PDXDC1: variants seen among roughly 807,000 people sequenced by gnomAD.
PDXDC1 encodes the protein pyridoxal-dependent decarboxylase domain-containing protein 1.
In PDXDC1, 42 loss-of-function variants were observed where a neutral mutation model predicts 100.1. The observed-to-expected ratio is 0.42, with a 90% CI of 0.33 to 0.54. The LOEUF (loss-of-function observed/expected upper bound fraction) is 0.54. PDXDC1 is among the 20% of genes least tolerant of loss of function. The pLI, the probability that PDXDC1 is intolerant of heterozygous loss-of-function variation, is 0.10. For synonymous variants in PDXDC1, 260 were observed against 371.7 expected (o/e 0.70, Z 3.46); for missense variants, 636 against 979.2 (o/e 0.65, Z 4.68).
chr16:15,127,872 C>A (rs1198844376), intron 16 of PDXDC1: 2 of 1,561,670 alleles, frequency 1.3e-6, no homozygotes, highest in African/African-American at 2.7e-5. Flanking sequence ...CCAGCAGGCG[C>A]CGGAAGCGCA....
chr16:15,128,431 C>T, intron 16 of PDXDC1: 1 of 1,170,920 alleles, frequency 8.5e-7, no homozygotes, highest in Non-Finnish European at 1.3e-6. Context: ...GGTCTGCTGC[C>T]CAACACGTGT....
intron 16 of PDXDC1, chr16:15,061,752 G>A: frequency 1.2e-6 from 2 of 1,611,654 alleles, no homozygotes; most frequent in East Asian, 4.5e-5. Flanking sequence ...CGTCAGAGGG[G>A]ACTGGGTTGC....
intron 19 of PDXDC1, chr16:15,034,056 G>C (rs2043237951): frequency 1.7e-6 from 1 of 586,328 alleles, no homozygotes; most frequent in African/African-American, 1.9e-5. Flanking sequence ...TGACTTCTCT[G>C]TTTTCAAGAA....
Position 15,127,172 on chromosome 16 carries a change from G to A in PDXDC1, c.1400-11707G>A, listed in dbSNP as rs1002887853. ...GAGATTTTCTTCTGGAGTGCATTTCGGAAGCGTGCACAGCCGCGTGCTTGC... is the reference window on the plus strand; with the variant it reads ...GAGATTTTCTTCTGGAGTGCATTTCAGAAGCGTGCACAGCCGCGTGCTTGC... On this transcript the variant is annotated intron_variant, in intron 16 of 16. Transcript: ENST00000535621. 20 of 383,446 alleles carry A rather than the reference G, an allele frequency of 5.2e-5. 1 individual carries two copies. Among genetic ancestry groups the A allele is most frequent in the Non-Finnish European group, 6.6e-5 (13 of 198,044 alleles). The allele number at this position is 383,446 out of a possible 1,614,324, so 23.8% of individuals were successfully genotyped here.
At chr16:14,990,644 G>A (rs1481183907) in intron 1 of PDXDC1, among the ~76,000 whole-genome samples, 2 of 152,274 alleles carry the variant, frequency 1.3e-5, no homozygotes, top group Non-Finnish European at 2.9e-5. Context: ...TGGAGTCATT[G>A]TTCACATTTA....
At chr16:15,147,251 G>T in the PDXDC1 span, among the ~76,000 whole-genome samples, 1 of 152,170 alleles carries the variant, frequency 6.6e-6, no homozygotes, top group Admixed American at 6.5e-5. Context: ...GCACATCCCA[G>T]CCCGACTCGG....
intron 16 of PDXDC1, chr16:15,137,821 C>T (rs569474909): frequency 0.017 from 25,902 of 1,569,370 alleles, 295 homozygotes; most frequent in Non-Finnish European, 0.02. Flanking sequence ...GCCCAGCACA[C>T]GTGGCTGCCT....
intron 16 of PDXDC1, among the ~76,000 whole-genome samples, chr16:15,098,475 A>C (rs1461992976): frequency 1.3e-5 from 2 of 152,062 alleles, no homozygotes; most frequent in African/African-American, 4.8e-5. Flanking sequence ...TGCTGGGATT[A>C]CAGGTGTGAG....
chr16:15,149,550 G>A, the PDXDC1 span, among the ~76,000 whole-genome samples: 5 of 152,198 alleles, frequency 3.3e-5, no homozygotes, highest in Non-Finnish European at 7.3e-5. Context: ...TGTCTTCCCC[G>A]ACGCCAATCC....
At chr16:15,086,316 C>T (rs2045915146) in intron 16 of PDXDC1, 1 of 1,607,864 alleles carries the variant, frequency 6.2e-7, no homozygotes, top group African/African-American at 1.3e-5. Flanking sequence ...TATACTATTA[C>T]CAAAGTTCTG....
At chr16:15,098,390 G>A (rs2046431253) in intron 16 of PDXDC1, among the ~76,000 whole-genome samples, 1 of 151,022 alleles carries the variant, frequency 6.6e-6, no homozygotes, top group Admixed American at 6.6e-5. Flanking sequence ...TAGTAGAGAT[G>A]GGGTTTCTCC....
At chr16:14,982,783 G>A (rs1486928401) in intron 1 of PDXDC1, among the ~76,000 whole-genome samples, 7 of 152,264 alleles carry the variant, frequency 4.6e-5, no homozygotes, top group African/African-American at 9.6e-5. Context: ...TATAATAGAC[G>A]TGTGTGGTGT....
chr16:15,038,218 C>CACAAGATG lies in PDXDC1; in HGVS notation c.*1944_*1951dup. ...AGGCGAAGTGGAAAGATTCTGAAAA[C>CACAAGATG]ACAAGATGGTGGGCATTAGAGAAGC... On this transcript the variant is annotated 3_prime_UTR_variant, in exon 23 of 23. Coordinates refer to ENST00000396410, the MANE Select transcript of PDXDC1 (RefSeq NM_015027.4). 6.2e-7 allele frequency: 1 copy of CACAAGATG among 1,610,422 alleles called. No individual in the cohort carries two copies. The highest frequency in any genetic ancestry group is 8.5e-7 in the Non-Finnish European group (1 of 1,177,944).
chr16:15,121,787 C>A lies in PDXDC1; in HGVS notation c.1400-17092C>A, dbSNP rs967877478. On this transcript the variant is annotated intron_variant, in intron 16 of 16. Transcript: ENST00000535621. ...AATAAATAAATAAAATAATGTAGAT[C>A]TTGAAAGGGGGTTGGTTTATGCTGG... 2.6e-5 allele frequency: 3 copies of A among 116,534 alleles called. No individual in the cohort carries two copies. In the South Asian group the frequency reaches 3.7e-4, roughly 14 times the overall value. 7.2% of individuals were successfully genotyped at this position (116,534 alleles called of 1,614,324 possible). A position where few individuals can be genotyped will look rare whatever the true frequency, so the allele number is the denominator to read the frequency against.
chr16:15,097,054 G>C (rs1274057776), intron 16 of PDXDC1, among the ~76,000 whole-genome samples: 6 of 152,094 alleles, frequency 3.9e-5, no homozygotes, highest in Admixed American at 3.3e-4. Context: ...TTGAAGCCAG[G>C]AGTTTGAGAC....
chr16:15,029,010 A>G (rs201314433), intron 15 of PDXDC1, 44 bp downstream of exon 15: 6,332 of 1,586,464 alleles, frequency 4.0e-3, no homozygotes, highest in Non-Finnish European at 4.8e-3. Context: ...GTCCCCGTCC[A>G]TCACCATCCG....
chr16:14,991,266 T>G (rs1970725739), intron 1 of PDXDC1, among the ~76,000 whole-genome samples: 1 of 132,690 alleles, frequency 7.5e-6, no homozygotes, highest in South Asian at 2.7e-4. Context: ...TGTATATAGA[T>G]ATGTGTGTGT....
At chr16:15,123,080 AG>A (rs2047518206) in intron 16 of PDXDC1, among the ~76,000 whole-genome samples, 1 of 150,514 alleles carries the variant, frequency 6.6e-6, no homozygotes, top group African/African-American at 2.4e-5. Context: ...AGGGAGACAA[AG>A]GTTCTGCTTT....
chr16:15,093,677 G>A (rs1338717294), intron 16 of PDXDC1, among the ~76,000 whole-genome samples: 2 of 152,190 alleles, frequency 1.3e-5, no homozygotes, highest in African/African-American at 4.8e-5. Flanking sequence ...AGAGTGCTAC[G>A]GGGGTTAGGG....
Sources: gnomAD v4.1 joint callset for allele counts (sites outside exome capture counted in the v4.1 genomes callset) on GRCh38, gnomAD v4.1.1 for gene constraint, MANE v1.5 for transcripts, NCBI Gene and HGNC (gene_info 2026-07-23, HGNC 2026-07-21) for gene names.